CSMD1: variants seen among roughly 807,000 people sequenced by gnomAD.
The protein encoded by CSMD1 is CUB and Sushi multiple domains 1.
In CSMD1, 213 loss-of-function variants were observed where a neutral mutation model predicts 417.5. The observed-to-expected ratio is 0.51, with a 90% CI of 0.46 to 0.57. The LOEUF is 0.57. CSMD1 is among the 20% of genes least tolerant of loss of function. The pLI is 0.00. For synonymous variants in CSMD1, 2,862 were observed against 1,736.8 expected, an observed-to-expected ratio of 1.65 and a Z score of -16.11; for missense variants, 6,923 against 4,529.7, an observed-to-expected ratio of 1.53 and a Z score of -15.17.
intron 4 of CSMD1, among the ~76,000 whole-genome samples, chr8:4,011,333 C>G (rs1308478236): frequency 6.6e-6 from 1 of 152,112 alleles, no homozygotes; most frequent in African/African-American, 2.4e-5. Flanking sequence ...TCCAATTGCC[C>G]CCATTCAAAA....
intron 5 of CSMD1, among the ~76,000 whole-genome samples, chr8:3,812,118 G>T (rs949430745): frequency 9.2e-5 from 14 of 152,086 alleles, no homozygotes; most frequent in African/African-American, 2.7e-4. Context: ...TTCCTTAAAC[G>T]GGTGTCCATA....
Position 4,548,513 on chromosome 8 carries a change from C to G in CSMD1, c.302+88829G>C, listed in dbSNP as rs532454575. Reference sequence around the variant, plus strand: ...AAGCCCTCAGAATGAAAATGCCATGCAAAAATAAAAAATGAATGCCTTTCA... The same window carrying G: ...AAGCCCTCAGAATGAAAATGCCATGGAAAAATAAAAAATGAATGCCTTTCA... On this transcript the variant is annotated intron_variant, in intron 2 of 69. Transcript: ENST00000635120. 1.1e-4 allele frequency among the ~76,000 whole-genome samples: 17 copies of G among 152,008 alleles called. No individual in the cohort carries two copies. In the South Asian group the frequency reaches 3.5e-3, roughly 32 times the overall value.
At chr8:4,310,370 C>T (rs1317941764) in intron 3 of CSMD1, among the ~76,000 whole-genome samples, 20 of 152,136 alleles carry the variant, frequency 1.3e-4, no homozygotes, top group Non-Finnish European at 2.6e-4. Flanking sequence ...GGTTCACAGA[C>T]AGTGTTTCTC....
intron 7 of CSMD1, among the ~76,000 whole-genome samples, chr8:3,655,258 GAATTT>G (rs1798044347): frequency 6.6e-6 from 1 of 152,110 alleles, no homozygotes; most frequent in Admixed American, 6.6e-5. Flanking sequence ...AACAAGGCAA[GAATTT>G]AAGACCCATG....
intron 1 of CSMD1, among the ~76,000 whole-genome samples, chr8:4,738,050 T>C (rs868269943): frequency 5.9e-5 from 9 of 152,170 alleles, no homozygotes; most frequent in South Asian, 2.1e-4. Flanking sequence ...AAAGTGGTAA[T>C]AGTAAAAACA....
At chr8:3,875,508 G>C (rs887323746) in intron 5 of CSMD1, among the ~76,000 whole-genome samples, 3 of 152,114 alleles carry the variant, frequency 2.0e-5, no homozygotes, top group African/African-American at 7.2e-5. Context: ...GAGAGGTGGA[G>C]AAAAGGGGAG....
intron 6 of CSMD1, among the ~76,000 whole-genome samples, chr8:3,746,856 G>C (rs1797087102): frequency 6.6e-6 from 1 of 152,072 alleles, no homozygotes; most frequent in Non-Finnish European, 1.5e-5. Flanking sequence ...CAATAGGGTG[G>C]GGCTAAGAAA....
At chr8:4,890,870 A>G (rs1804073577) in intron 1 of CSMD1, among the ~76,000 whole-genome samples, 1 of 152,154 alleles carries the variant, frequency 6.6e-6, no homozygotes, top group Admixed American at 6.5e-5. Context: ...GTGACAAGAA[A>G]CATGATTTCA....
intron 2 of CSMD1, among the ~76,000 whole-genome samples, chr8:4,421,225 A>G (rs1016474994): frequency 2.0e-5 from 3 of 152,192 alleles, no homozygotes; most frequent in African/African-American, 4.8e-5. Context: ...CAGTGAAGCA[A>G]ACGTTGCTTT....
intron 4 of CSMD1, among the ~76,000 whole-genome samples, chr8:4,001,965 T>C (rs1313693919): frequency 2.6e-5 from 4 of 152,114 alleles, no homozygotes; most frequent in Non-Finnish European, 4.4e-5. Context: ...CCATAGAATA[T>C]TCCGGAATGA....
At chr8:4,943,579 C>T (rs1386021285) in intron 1 of CSMD1, among the ~76,000 whole-genome samples, 1 of 151,862 alleles carries the variant, frequency 6.6e-6, no homozygotes, top group South Asian at 2.1e-4. Flanking sequence ...TTTATAAATA[C>T]CTTTAAACAA....
At chr8:4,138,647 G>A (rs142022961) in intron 3 of CSMD1, among the ~76,000 whole-genome samples, 7 of 151,954 alleles carry the variant, frequency 4.6e-5, no homozygotes, top group Middle Eastern at 3.2e-3. Flanking sequence ...TCTTAAGGTT[G>A]ACTTTTCAAA....
intron 1 of CSMD1, among the ~76,000 whole-genome samples, chr8:4,846,264 T>A (rs1328180872): frequency 1.3e-5 from 2 of 152,232 alleles, no homozygotes; most frequent in Non-Finnish European, 2.9e-5. Flanking sequence ...TTTGGAAATG[T>A]GTGAAGTAAG....
At chr8:4,223,140 G>A (rs554217947) in intron 3 of CSMD1, among the ~76,000 whole-genome samples, 46 of 152,212 alleles carry the variant, frequency 3.0e-4, no homozygotes, top group African/African-American at 1.1e-3. Flanking sequence ...AGACCTTGGG[G>A]AAAGGAGGGC....
At chr8:4,859,367 A>C (rs1204303262) in intron 1 of CSMD1, among the ~76,000 whole-genome samples, 3 of 152,232 alleles carry the variant, frequency 2.0e-5, no homozygotes, top group Non-Finnish European at 4.4e-5. Context: ...CAAGGACTTC[A>C]TGTCTAAAAC....
At chr8:4,059,262 A>G (rs1482540737) in intron 3 of CSMD1, among the ~76,000 whole-genome samples, 2 of 152,194 alleles carry the variant, frequency 1.3e-5, no homozygotes, top group African/African-American at 4.8e-5. Context: ...AAGACACAAC[A>G]TACCAGAATC....
chr8:4,332,291 C>T (rs995760964), intron 3 of CSMD1, among the ~76,000 whole-genome samples: 3 of 152,136 alleles, frequency 2.0e-5, no homozygotes, highest in Non-Finnish European at 4.4e-5. Context: ...CTCCAAGCCT[C>T]TCTTGGAGAT....
At chr8:4,080,852 G>T (rs775049199) in intron 3 of CSMD1, among the ~76,000 whole-genome samples, 1 of 152,162 alleles carries the variant, frequency 6.6e-6, no homozygotes, top group Non-Finnish European at 1.5e-5. Context: ...TGGATTTCAT[G>T]TTTGTTTACT....
chr8:4,147,146 A>G (rs775770533), intron 3 of CSMD1, among the ~76,000 whole-genome samples: 9 of 151,478 alleles, frequency 5.9e-5, no homozygotes, highest in Non-Finnish European at 8.8e-5. Flanking sequence ...CCCTCACATG[A>G]TTCTTCTTCT....
Sources: gnomAD v4.1 joint callset for allele counts (sites outside exome capture counted in the v4.1 genomes callset) on GRCh38, gnomAD v4.1.1 for gene constraint, MANE v1.5 for transcripts, NCBI Gene and HGNC (gene_info 2026-07-23, HGNC 2026-07-21) for gene names.